EIF5B: variants seen among roughly 807,000 people sequenced by gnomAD.
EIF5B encodes the protein eIF-5B.
Under a neutral mutation model 147.5 loss-of-function variants are expected in EIF5B, and 47 were observed. The observed-to-expected ratio is 0.32, with a 90% CI of 0.25 to 0.41. The LOEUF (loss-of-function observed/expected upper bound fraction) is 0.41. Among genes scored for constraint, EIF5B ranks in the 10% least tolerant of loss-of-function variants. EIF5B has a pLI of 1.00. For synonymous variants in EIF5B, 455 were observed against 456.2 expected (o/e 1.00, Z 0.03); for missense variants, 1,064 against 1,413.2 (o/e 0.75, Z 3.96).
chr2:99,365,224 C>T (rs1325982980), intron 6 of EIF5B, among the ~76,000 whole-genome samples: 1 of 152,120 alleles, frequency 6.6e-6, no homozygotes, highest in Non-Finnish European at 1.5e-5. Context: ...ACTGATGCTA[C>T]AATGTCTTTG....
intron 1 of EIF5B, among the ~76,000 whole-genome samples, chr2:99,358,098 T>TAC (rs1464381452): frequency 6.6e-6 from 1 of 152,090 alleles, no homozygotes; most frequent in East Asian, 1.9e-4. Context: ...TATATATATA[T>TAC]ACAGGGTTTT....
At chr2:99,393,184 A>T (rs1674971042) in intron 18 of EIF5B, 86 bp downstream of exon 18, 2 of 1,260,000 alleles carry the variant, frequency 1.6e-6, no homozygotes, top group Non-Finnish European at 2.1e-6. Context: ...ATGGTGACCA[A>T]AACTGGCTTT....
intron 6 of EIF5B, among the ~76,000 whole-genome samples, chr2:99,367,708 G>A (rs1574928951): frequency 1.3e-5 from 2 of 152,202 alleles, no homozygotes; most frequent in South Asian, 4.2e-4. Flanking sequence ...ACCCACCTCG[G>A]CTTCCCAAAG....
At chr2:99,398,550 A>G (rs971762997) in intron 22 of EIF5B, 198 bp from the exon 23 acceptor site, 15 of 495,306 alleles carry the variant, frequency 3.0e-5, no homozygotes, top group African/African-American at 1.8e-4. Context: ...CATTCTTACA[A>G]CCATCATGAA....
At position 99,399,500 on chromosome 2, in the gene EIF5B, G is replaced by GT. The variant is rs1284826005; in HGVS notation, c.*87dup. On this transcript the variant is annotated 3_prime_UTR_variant, in exon 24 of 24. Transcript: ENST00000289371. ...AAATCAGACAAAAAATGGAACAGAC[G>GT]TATTTGGACACTGATGGACTTAAGT... 8.0e-7 allele frequency: 1 copy of GT among 1,251,122 alleles called. No homozygotes were observed. The highest frequency in any genetic ancestry group is 1.1e-6 in the Non-Finnish European group (1 of 873,738). 77.5% of individuals were successfully genotyped at this position (1,251,122 alleles called of 1,614,324 possible).
At chr2:99,396,457 C>T (rs1192600871) in intron 21 of EIF5B, among the ~76,000 whole-genome samples, 1 of 152,280 alleles carries the variant, frequency 6.6e-6, no homozygotes, top group East Asian at 1.9e-4. Flanking sequence ...CAGCCAAGCT[C>T]AGTGTTTTAG....
chr2:99,373,754 T>C (rs780411031), intron 9 of EIF5B, among the ~76,000 whole-genome samples: 6 of 152,218 alleles, frequency 3.9e-5, no homozygotes, highest in Non-Finnish European at 7.3e-5. Context: ...TACTAAGTCG[T>C]TTTTTGTTCT....
Position 99,379,383 on chromosome 2 carries a change from T to G in EIF5B, c.2016T>G (p.Asn672Lys), listed in dbSNP as rs1297214414. 6.2e-7 allele frequency: 1 copy of G among 1,613,670 alleles called. No individual in the cohort carries two copies. ...GGITQQIGAT[N>K]VPLEAINEQT... ...TCACACAACAAATTGGGGCCACCAATGTTCCTCTTGAAGCTATTAATGAAC... is the reference window on the plus strand; with the variant it reads ...TCACACAACAAATTGGGGCCACCAAGGTTCCTCTTGAAGCTATTAATGAAC... Residue 672 changes from asparagine to lysine, a missense_variant, in exon 12 of 24, where the codon AAT (asparagine) becomes AAG (lysine). By Grantham distance (94) the Asn-to-Lys change is moderately conservative. Around this residue, in one of 4 missense-constraint regions of EIF5B, gnomAD observed 380 missense variants for 715.6 expected, o/e 0.53. Coordinates refer to ENST00000289371, the MANE Select transcript of EIF5B (RefSeq NM_015904.4).
At position 99,379,410 on chromosome 2, in the gene EIF5B, G is replaced by C; in HGVS notation, c.2043G>C (p.Gln681His). 1.2e-6 allele frequency: 2 copies of C among 1,609,868 alleles called. No homozygotes were observed. The highest frequency in any genetic ancestry group is 2.2e-5 in the South Asian group (2 of 90,064). ...TNVPLEAINE[Q>H]TKMIKNFDRE... ...TTCCTCTTGAAGCTATTAATGAACA[G>C]ACTAAGATGATTAAAAATGTAAGTA... Residue 681 changes from glutamine (Q) to histidine (H), a missense_variant, in exon 12 of 24, where the codon CAG becomes CAC. Gln to His is a conservative substitution (Grantham distance 24). Around this residue, in one of 4 missense-constraint regions of EIF5B, gnomAD observed 380 missense variants for 715.6 expected, o/e 0.53. Transcript: ENST00000289371.
At chr2:99,365,883 A>G (rs536816386) in intron 6 of EIF5B, among the ~76,000 whole-genome samples, 90 of 152,326 alleles carry the variant, frequency 5.9e-4, no homozygotes, top group Non-Finnish European at 9.6e-4. Context: ...ATCTCATTAA[A>G]AGATCCTACA....
intron 21 of EIF5B, 62 bp downstream of exon 21, chr2:99,394,945 A>G: frequency 6.9e-7 from 1 of 1,439,912 alleles, no homozygotes; most frequent in Non-Finnish European, 9.3e-7. Flanking sequence ...GAATTACTGA[A>G]TTCCAGAAAG....
intron 6 of EIF5B, 99 bp downstream of exon 6, chr2:99,364,520 G>C: frequency 8.5e-7 from 1 of 1,171,322 alleles, no homozygotes; most frequent in Non-Finnish European, 1.2e-6. Context: ...CATCAGGACA[G>C]TTCCTATGAA....
At position 99,399,365 on chromosome 2, in the gene EIF5B, G is replaced by T; in HGVS notation, c.3614G>T (p.Ser1205Ile). 1 of 1,614,192 alleles carries T rather than the reference G, an allele frequency of 6.2e-7. No individual in the cohort carries two copies. The highest frequency in any genetic ancestry group is 8.5e-7 in the Non-Finnish European group (1 of 1,180,034). The change falls in exon 24 of 24, where the codon AGT becomes ATT. Residue 1205 changes from serine (S) to isoleucine (I), a missense_variant. By Grantham distance (142) the Ser-to-Ile change is moderately radical (BLOSUM62 -2). Coordinates refer to ENST00000289371, the MANE Select transcript of EIF5B (RefSeq NM_015904.4). The stretch of plus-strand genomic sequence containing the variant: ...TGGTTCAGAGATGAAATGCAGAAGA[G>T]TGACTGGCAGCTTATTGTGGAGCTG... ...KDWFRDEMQKSDWQLIVELKK... is the reference protein window; with the variant it reads ...KDWFRDEMQKIDWQLIVELKK...
intron 1 of EIF5B, among the ~76,000 whole-genome samples, chr2:99,339,595 G>T (rs997219278): frequency 2.6e-5 from 4 of 151,858 alleles, no homozygotes; most frequent in Non-Finnish European, 5.9e-5. Flanking sequence ...GCCCAGTCAG[G>T]TCTTGAACTC....
At chr2:99,387,895 A>G (rs1674845540) in intron 14 of EIF5B, among the ~76,000 whole-genome samples, 1 of 152,182 alleles carries the variant, frequency 6.6e-6, no homozygotes, top group Non-Finnish European at 1.5e-5. Context: ...CTGGTCTCGA[A>G]CACCTGGGCT....
chr2:99,339,730 G>C (rs990565495), intron 1 of EIF5B, among the ~76,000 whole-genome samples: 1 of 152,038 alleles, frequency 6.6e-6, no homozygotes, highest in Non-Finnish European at 1.5e-5. Flanking sequence ...AAAAGCCATT[G>C]GGAGACAAGA....
chr2:99,346,465 G>A (rs1424042115), intron 1 of EIF5B, among the ~76,000 whole-genome samples: 1 of 152,028 alleles, frequency 6.6e-6, no homozygotes, highest in African/African-American at 2.4e-5. Flanking sequence ...CACTATACAA[G>A]TTAGGTGGGG....
chr2:99,350,757 C>G (rs1673935995), intron 1 of EIF5B, among the ~76,000 whole-genome samples: 1 of 152,072 alleles, frequency 6.6e-6, no homozygotes, highest in South Asian at 2.1e-4. Flanking sequence ...TCGGTTTATG[C>G]TTTTGTTGCT....
At chr2:99,342,421 T>C (rs1408426169) in intron 1 of EIF5B, among the ~76,000 whole-genome samples, 2 of 152,208 alleles carry the variant, frequency 1.3e-5, no homozygotes, top group Non-Finnish European at 2.9e-5. Context: ...GCTAGAAATA[T>C]ATTTGTGAAC....
Sources: allele counts gnomAD v4.1 joint callset (sites outside exome capture counted in the v4.1 genomes callset), GRCh38; gene constraint gnomAD v4.1.1; regional missense constraint gnomAD v4.1.1; transcripts MANE v1.5; gene names NCBI Gene and HGNC (gene_info 2026-07-23, HGNC 2026-07-21).